Variants in EMP3 observed in about 807,000 individuals in gnomAD.
EMP3 encodes the protein epithelial membrane protein 3.
In EMP3, 15 loss-of-function variants were observed where a neutral mutation model predicts 21.6. The ratio of observed to expected loss-of-function variants is 0.69; its 90% CI spans 0.46 to 1.07. The LOEUF is 1.07. EMP3 is among the 50% of genes least tolerant of loss of function. EMP3 has a pLI of 0.00. For missense variants in EMP3, 183 were observed against 206.6 expected, an observed-to-expected ratio of 0.89 and a Z score of 0.70; for synonymous variants, 107 against 86.1, an observed-to-expected ratio of 1.24 and a Z score of -1.34.
In EMP3 at chr19:48,329,336, GTCC is replaced by G. The variant is rs1309225020; in HGVS notation, c.182-11_182-9del. The G allele has an allele frequency of 3.1e-6, 5 of 1,613,908 alleles. No individual in the cohort carries two copies. The highest frequency in any genetic ancestry group is 1.3e-5 in the African/African-American group (1 of 74,896). ...GACCCACGGTGATGTCCCCCTCTGT[GTCC>G]TCCTTACTGCAGGCTGGCTGAAGGC... On this transcript the variant is annotated splice_polypyrimidine_tract_variant and intron_variant, in intron 3 of 4. Transcript: ENST00000270221. The surrounding 1 kb of genome is among the most constrained non-coding windows in gnomAD (Gnocchi z 4.5).
In EMP3 at chr19:48,329,545, GT is replaced by G; in HGVS notation, c.322+54del. 1 of 1,600,488 alleles carries G rather than the reference GT, an allele frequency of 6.2e-7. No individual in the cohort carries two copies. Among genetic ancestry groups the G allele is most frequent in the Non-Finnish European group, 8.5e-7 (1 of 1,171,188 alleles). ...TCCCCCAAGAATTGAGCAGAAGGGAGTGGGGTGTGTCAAGATGCTGGGGGCC... is the reference window on the plus strand; with the variant it reads ...TCCCCCAAGAATTGAGCAGAAGGGAGGGGGTGTGTCAAGATGCTGGGGGCC... On this transcript the variant is annotated intron_variant, in intron 4 of 4. Transcript: ENST00000270221. This position sits in a 1 kb window ranked among gnomAD's most constrained non-coding sequence, Gnocchi z 4.5.
At chr19:48,328,008 G>A (rs1245156946) in intron 3 of EMP3, among the ~76,000 whole-genome samples, 1 of 152,032 alleles carries the variant, frequency 6.6e-6, no homozygotes, top group Non-Finnish European at 1.5e-5. Flanking sequence ...GTTTCACCAT[G>A]TTGGCCAGGC....
chr19:48,327,499 T>C (rs752444529), intron 2 of EMP3, 22 bp from the exon 3 acceptor site: 70 of 1,588,084 alleles, frequency 4.4e-5, no homozygotes, highest in Non-Finnish European at 3.0e-5. Context: ...CTGCCCCTTG[T>C]TTCGTTCTCT....
intron 3 of EMP3, among the ~76,000 whole-genome samples, chr19:48,328,411 CAAA>C (rs746709296): frequency 2.5e-5 from 2 of 80,682 alleles, no homozygotes; most frequent in African/African-American, 4.8e-5. Flanking sequence ...GATTCTGTCT[CAAA>C]AAAAAAAAAA....
At chr19:48,327,168 G>A (rs1489983633) in intron 2 of EMP3, among the ~76,000 whole-genome samples, 1 of 152,012 alleles carries the variant, frequency 6.6e-6, no homozygotes, top group African/African-American at 2.4e-5. Flanking sequence ...AAGTAGCTGG[G>A]ATTAGAGGCA....
chr19:48,329,209 A>G lies in EMP3; in HGVS notation c.182-143A>G. On this transcript the variant is annotated intron_variant, in intron 3 of 4. Transcript: ENST00000270221. The surrounding 1 kb of genome is among the most constrained non-coding windows in gnomAD (Gnocchi z 4.5). ...GGTAACAGGGCTCAAGGTCAAAATA[A>G]GTGATACATCTAAGTATCTAGGCTT... 1.0e-6 allele frequency: 1 copy of G among 959,942 alleles called. No individual in the cohort carries two copies. Among genetic ancestry groups the G allele is most frequent in the Non-Finnish European group, 1.5e-6 (1 of 652,452 alleles). 59.5% of individuals were successfully genotyped at this position (959,942 alleles called of 1,614,324 possible).
Position 48,330,335 on chromosome 19 carries a change from C to T in EMP3, c.357C>T (p.Ala119=), listed in dbSNP as rs756949848. 4 of 1,605,518 alleles carry T rather than the reference C, an allele frequency of 2.5e-6. No homozygotes were observed. The African/African-American group carries it at 5.4e-5, about 22-fold the overall frequency. The change falls in exon 5 of 5, where the codon GCC becomes GCT. Residue 119 remains alanine (A), a synonymous_variant. Transcript: ENST00000270221. ...VAVFTGALIY[A]IHAEEILEKH... ...TGTTTACTGGCGCCTTGATCTATGC[C>T]ATTCACGCCGAGGAGATCCTGGAGA...
At chr19:48,330,170 G>C in intron 4 of EMP3, 131 bp from the exon 5 acceptor site, 5 of 1,343,000 alleles carry the variant, frequency 3.7e-6, no homozygotes, top group Non-Finnish European at 4.9e-6. Flanking sequence ...GGGCGGGGGG[G>C]AAAGAACCAC....
Position 48,329,278 on chromosome 19 carries a change from C to T in EMP3, c.182-74C>T. Reference sequence around the variant, plus strand: ...GCAGGGATGGGGCAGAGAAGGGTCACATGGTGAGCAAGCAGGTGAAGCTGG... The same window carrying T: ...GCAGGGATGGGGCAGAGAAGGGTCATATGGTGAGCAAGCAGGTGAAGCTGG... On this transcript the variant is annotated intron_variant, in intron 3 of 4. Coordinates refer to ENST00000270221, the MANE Select transcript of EMP3 (RefSeq NM_001425.3). The surrounding 1 kb of genome is among the most constrained non-coding windows in gnomAD (Gnocchi z 4.5). The T allele has an allele frequency of 1.3e-6, 2 of 1,588,906 alleles. No individual in the cohort carries two copies. The highest frequency in any genetic ancestry group is 2.2e-5 in the East Asian group (1 of 44,686).
At chr19:48,327,660 G>C in intron 3 of EMP3, 37 bp downstream of exon 3, 1 of 1,583,520 alleles carries the variant, frequency 6.3e-7, no homozygotes, top group Non-Finnish European at 8.6e-7. Context: ...TCTTCAAAGG[G>C]GAAGGTAAAC....
intron 3 of EMP3, among the ~76,000 whole-genome samples, chr19:48,328,896 A>G (rs776241340): frequency 1.3e-5 from 2 of 152,112 alleles, no homozygotes; most frequent in Non-Finnish European, 2.9e-5. Context: ...CTGAGGAGGA[A>G]GGATCACTTA....
At chr19:48,330,074 A>G (rs555930858) in intron 4 of EMP3, among the ~76,000 whole-genome samples, 1 of 152,278 alleles carries the variant, frequency 6.6e-6, no homozygotes, top group South Asian at 2.1e-4. Context: ...ACACTCAAAA[A>G]TATTCCTTGG....
rs761441717 is a variant in EMP3, at chr19:48,330,513, C to A, written c.*43C>A. On this transcript the variant is annotated 3_prime_UTR_variant, in exon 5 of 5. Transcript: ENST00000270221. The stretch of plus-strand genomic sequence containing the variant: ...GCTGCCCCCGCCCCTTCCCGGCCCC[C>A]CTCGCCGCGCGTCCTCCAAAAAATA... The A allele has an allele frequency of 6.6e-6, 10 of 1,509,934 alleles. No individual in the cohort carries two copies. The highest frequency in any genetic ancestry group is 4.2e-4 in the Middle Eastern group (2 of 4,790). The allele number at this position is 1,509,934 out of a possible 1,614,324, so 93.5% of individuals were successfully genotyped here.
At chr19:48,327,927 C>T in intron 3 of EMP3, 1 of 330,140 alleles carries the variant, frequency 3.0e-6, no homozygotes, top group Non-Finnish European at 5.8e-6. Flanking sequence ...CCTGCCTCAG[C>T]CTCCCGAGTA....
At chr19:48,330,246 G>C in intron 4 of EMP3, 55 bp from the exon 5 acceptor site, 2 of 1,487,976 alleles carry the variant, frequency 1.3e-6, no homozygotes, top group Non-Finnish European at 1.8e-6. Context: ...ATGGGATATT[G>C]GGAAATGTAG....
In EMP3 at chr19:48,329,469, C is replaced by A. The variant is rs1204356098; in HGVS notation, c.299C>A (p.Thr100Asn). 1 of 1,614,050 alleles carries A rather than the reference C, an allele frequency of 6.2e-7. No homozygotes were observed. Among genetic ancestry groups the A allele is most frequent in the East Asian group, 2.2e-5 (1 of 44,894 alleles). Reference sequence around the variant, plus strand: ...CGACGAGGAGGTCTCTTCTATGCCACCGGCCTCTGCCAGCTTTGCACCAGT... The same window carrying A: ...CGACGAGGAGGTCTCTTCTATGCCAACGGCCTCTGCCAGCTTTGCACCAGT... ...TMRRGGLFYA[T>N]GLCQLCTSVA... is the part of the protein sequence containing the mutation. Residue 100 changes from threonine to asparagine, a missense_variant, in exon 4 of 5, where the codon ACC (threonine) becomes AAC (asparagine). Coordinates refer to ENST00000270221, the MANE Select transcript of EMP3 (RefSeq NM_001425.3). This position sits in a 1 kb window ranked among gnomAD's most constrained non-coding sequence, Gnocchi z 4.5.
chr19:48,328,237 C>T (rs1299206790), intron 3 of EMP3, among the ~76,000 whole-genome samples: 1 of 151,760 alleles, frequency 6.6e-6, no homozygotes, highest in Non-Finnish European at 1.5e-5. Context: ...TGATGAAACC[C>T]CGTCTCTACT....
In EMP3 at chr19:48,327,638, C is replaced by A; in HGVS notation, c.181+15C>A. The A allele has an allele frequency of 6.2e-7, 1 of 1,608,694 alleles. No homozygotes were observed. The highest frequency in any genetic ancestry group is 8.5e-7 in the Non-Finnish European group (1 of 1,176,232). Reference sequence around the variant, plus strand: ...CAGCGAGAATGGTGAGGGGTGAGGGCGGCGGGACTGGTCTTCAAAGGGGAA... The same window carrying A: ...CAGCGAGAATGGTGAGGGGTGAGGGAGGCGGGACTGGTCTTCAAAGGGGAA... On this transcript the variant is annotated intron_variant, in intron 3 of 4. Coordinates refer to ENST00000270221, the MANE Select transcript of EMP3 (RefSeq NM_001425.3).
At chr19:48,328,838 GCAGA>G (rs1431262116) in intron 3 of EMP3, among the ~76,000 whole-genome samples, 1 of 152,110 alleles carries the variant, frequency 6.6e-6, no homozygotes, top group Non-Finnish European at 1.5e-5. Context: ...ATTCTGCAAA[GCAGA>G]CAGACACAGT....
Sources: allele counts gnomAD v4.1 joint callset (sites outside exome capture counted in the v4.1 genomes callset), GRCh38; gene constraint gnomAD v4.1.1; non-coding constraint Gnocchi (gnomAD v3.1); transcripts MANE v1.5; gene names NCBI Gene and HGNC (gene_info 2026-07-23, HGNC 2026-07-21).